OR2AT4: variants seen among roughly 807,000 people sequenced by gnomAD.
OR2AT4 encodes the protein olfactory receptor 2AT4.
A neutral mutation model predicts 10.3 loss-of-function variants in OR2AT4; 6 were observed. The observed-to-expected ratio is 0.58, with a 90% CI of 0.32 to 1.15. The LOEUF is 1.15. Among genes scored for constraint, OR2AT4 ranks in the 50% most tolerant of loss-of-function variants. OR2AT4 has a pLI of 0.05. For synonymous variants in OR2AT4, 145 were observed against 159.1 expected, an observed-to-expected ratio of 0.91 and a Z score of 0.67; for missense variants, 354 against 393.8, an observed-to-expected ratio of 0.90 and a Z score of 0.85.
At chr11:75,089,635 T>C (rs761370182) in exon 2 of OR2AT4, 2 of 1,613,324 alleles carry the variant, frequency 1.2e-6, no homozygotes, top group Non-Finnish European at 1.7e-6. Context: ...AGGAAGAAGG[T>C]CTCTGGCAGA....
At chr11:75,094,256 C>T (rs898247264) in intron 1 of OR2AT4, among the ~76,000 whole-genome samples, 1 of 151,818 alleles carries the variant, frequency 6.6e-6, no homozygotes, top group East Asian at 2.0e-4. Flanking sequence ...CTTCTATCGT[C>T]GGTTCCCTGG....
At chr11:75,096,503 C>T (rs1418426081) in intron 1 of OR2AT4, among the ~76,000 whole-genome samples, 1 of 152,204 alleles carries the variant, frequency 6.6e-6, no homozygotes, top group Non-Finnish European at 1.5e-5. Context: ...CCTGGCTCCA[C>T]CACTTTGTGC....
chr11:75,088,154 T>C (rs74624086), exon 2 of OR2AT4: 1 of 152,340 alleles, frequency 6.6e-6, no homozygotes, highest in East Asian at 1.9e-4. Context: ...TGATGGTGAC[T>C]CCTCGGGATA....
chr11:75,083,993 AG>A (rs1291034066), exon 2 of OR2AT4: 1 of 152,780 alleles, frequency 6.5e-6, no homozygotes, highest in Non-Finnish European at 1.5e-5. Flanking sequence ...AGAAAAAAAA[AG>A]GAGAAAATTG....
chr11:75,092,565 C>T (rs2140280293), intron 1 of OR2AT4, among the ~76,000 whole-genome samples: 1 of 152,232 alleles, frequency 6.6e-6, no homozygotes, highest in South Asian at 2.1e-4. Flanking sequence ...GCACCTGATC[C>T]AATAAATTCT....
chr11:75,089,460 T>G (rs144420043), exon 2 of OR2AT4: 11 of 1,614,032 alleles, frequency 6.8e-6, no homozygotes, highest in South Asian at 1.1e-5. Context: ...GGACAGCATC[T>G]TGGGGACAGT....
intron 1 of OR2AT4, among the ~76,000 whole-genome samples, chr11:75,091,902 C>T (rs573889104): frequency 4.6e-5 from 7 of 152,118 alleles, no homozygotes; most frequent in South Asian, 2.1e-4. Flanking sequence ...AATTTTACTT[C>T]GCTCAAAAAA....
chr11:75,091,873 G>A (rs1026551456), intron 1 of OR2AT4, among the ~76,000 whole-genome samples: 2 of 152,134 alleles, frequency 1.3e-5, no homozygotes, highest in Non-Finnish European at 2.9e-5. Context: ...CATAAGATCT[G>A]CTCATTATCT....
intron 1 of OR2AT4, among the ~76,000 whole-genome samples, chr11:75,092,838 A>G (rs1210876450): frequency 6.6e-6 from 1 of 151,818 alleles, no homozygotes; most frequent in Non-Finnish European, 1.5e-5. Flanking sequence ...GCAGTGGCTC[A>G]TGCCTGCAAT....
exon 2 of OR2AT4, chr11:75,088,576 GA>G (rs1214750846): frequency 1.6e-6 from 1 of 631,056 alleles, no homozygotes; most frequent in Non-Finnish European, 2.3e-6. Context: ...TTGCCATGAA[GA>G]TTTTTTTTTT....
exon 2 of OR2AT4, chr11:75,088,363 T>A (rs1257404185): frequency 6.4e-6 from 1 of 155,524 alleles, no homozygotes; most frequent in Non-Finnish European, 1.4e-5. Flanking sequence ...TCAGCACAAT[T>A]TAAATTCGTA....
exon 2 of OR2AT4, chr11:75,088,178 G>GA (rs1949299010): frequency 6.6e-6 from 1 of 152,242 alleles, no homozygotes; most frequent in East Asian, 1.9e-4. Context: ...CCCTAGAAGT[G>GA]ATACTGCTGA....
chr11:75,088,100 A>T (rs1229359431), exon 2 of OR2AT4: 1 of 152,170 alleles, frequency 6.6e-6, no homozygotes, highest in African/African-American at 2.4e-5. Context: ...GGTTTATTCA[A>T]TCAGTTCCCT....
At chr11:75,082,659 A>G (rs1226238959) in exon 2 of OR2AT4, 1 of 152,142 alleles carries the variant, frequency 6.6e-6, no homozygotes, top group Non-Finnish European at 1.5e-5. Context: ...AGAATTTATG[A>G]CTAAGTCCTG....
intron 1 of OR2AT4, among the ~76,000 whole-genome samples, chr11:75,093,804 CTTTTTCTTTTTTTTTTTTTTTT>C (rs549101517): frequency 0.09 from 7,976 of 88,650 alleles, 343 homozygotes; most frequent in African/African-American, 0.16. Flanking sequence ...TTTTCTTTTT[CTTTTTCTTTTTTTTTTTTTTTT>C]TTTTTTTTTT....
At chr11:75,094,444 T>C (rs1949336756) in intron 1 of OR2AT4, among the ~76,000 whole-genome samples, 1 of 152,198 alleles carries the variant, frequency 6.6e-6, no homozygotes, top group Non-Finnish European at 1.5e-5. Flanking sequence ...GCAGGTATAA[T>C]GTCTTTCTAA....
At chr11:75,092,782 T>A (rs1949326214) in intron 1 of OR2AT4, among the ~76,000 whole-genome samples, 1 of 150,402 alleles carries the variant, frequency 6.6e-6, no homozygotes, top group South Asian at 2.1e-4. Flanking sequence ...TACAAAAAAA[T>A]TTAAAAATGA....
In OR2AT4 at chr11:75,095,740, C is replaced by T. The variant is rs994962538; in HGVS notation, c.-652+1088G>A. Among the ~76,000 whole-genome samples, 15 of 148,400 alleles carry T rather than the reference C, an allele frequency of 1.0e-4. No homozygotes were observed. The South Asian group carries it at 1.1e-3, about 11-fold the overall frequency. On this transcript the variant is annotated intron_variant, in intron 1 of 1. Coordinates refer to ENST00000641504, the Ensembl canonical transcript of OR2AT4. The stretch of plus-strand genomic sequence containing the variant: ...TCACCCAGGCTGGAGTGCAGTGGCA[C>T]GATCTCGGCTCACTGCAACCTCTGC...
chr11:75,087,282 T>C (rs1949295704), exon 2 of OR2AT4: 1 of 152,198 alleles, frequency 6.6e-6, no homozygotes, highest in African/African-American at 2.4e-5. Flanking sequence ...GAAGGATATA[T>C]GGGAACTCTC....
Sources: allele counts gnomAD v4.1 joint callset (sites outside exome capture counted in the v4.1 genomes callset), GRCh38; gene constraint gnomAD v4.1.1; transcripts MANE v1.5; gene names NCBI Gene and HGNC (gene_info 2026-07-23, HGNC 2026-07-21).